The following SCAI variants were observed in gnomAD, a reference collection of about 807,000 sequenced individuals.
SCAI encodes protein SCAI.
A neutral mutation model predicts 92.2 loss-of-function variants in SCAI; 24 were observed. The observed-to-expected ratio is 0.26, with a 90% CI of 0.19 to 0.37. The LOEUF is 0.37. SCAI is among the 10% of genes least tolerant of loss of function. SCAI has a pLI of 1.00. For synonymous variants in SCAI, 261 were observed against 258.6 expected, an observed-to-expected ratio of 1.01 and a Z score of -0.09; for missense variants, 450 against 736.2, an observed-to-expected ratio of 0.61 and a Z score of 4.50.
chr9:124,967,763 A>G (rs1176271308), intron 17 of SCAI, among the ~76,000 whole-genome samples: 1 of 152,250 alleles, frequency 6.6e-6, no homozygotes, highest in Admixed American at 6.5e-5. Context: ...AGCACATATA[A>G]GAAATTGTCT....
intron 2 of SCAI, among the ~76,000 whole-genome samples, chr9:125,134,211 T>C (rs927957534): frequency 2.0e-5 from 3 of 152,180 alleles, no homozygotes; most frequent in Admixed American, 6.5e-5. Flanking sequence ...AGGGCTTAGA[T>C]AAATGACTGC....
chr9:125,081,984 G>T (rs564003499), intron 2 of SCAI, among the ~76,000 whole-genome samples: 34 of 152,368 alleles, frequency 2.2e-4, no homozygotes, highest in African/African-American at 7.2e-4. Context: ...GCCGGCTGCA[G>T]AAATTTGCAT....
Position 125,044,316 on chromosome 9 carries a change from C to G in SCAI, c.230+11560G>C, listed in dbSNP as rs753142126. Among the ~76,000 whole-genome samples the G allele has an allele frequency of 2.0e-4, 30 of 152,254 alleles. 1 individual carries two copies. Among genetic ancestry groups the G allele is most frequent in the South Asian group, 8.3e-4 (4 of 4,830 alleles). On this transcript the variant is annotated intron_variant, in intron 3 of 17. Coordinates refer to ENST00000336505, the MANE Select transcript of SCAI (RefSeq NM_001144877.3). The stretch of plus-strand genomic sequence containing the variant: ...ATGGACCAATCAGCACACACTTCCA[C>G]CATTCAGAGCACAAAATAACCCCAG...
At chr9:124,961,649 C>CAAA (rs34369784) in intron 17 of SCAI, among the ~76,000 whole-genome samples, 25 of 119,872 alleles carry the variant, frequency 2.1e-4, no homozygotes, top group African/African-American at 5.5e-4. Context: ...GACTCCATCT[C>CAAA]AAAAAAAAAA....
In SCAI at chr9:125,018,940, T is replaced by C. The variant is rs913416962; in HGVS notation, c.720A>G (p.Val240=). The C allele has an allele frequency of 6.2e-7, 1 of 1,612,930 alleles. No individual in the cohort carries two copies. The highest frequency in any genetic ancestry group is 8.5e-7 in the Non-Finnish European group (1 of 1,179,746). Residue 240 remains valine (V), a synonymous_variant, in exon 9 of 18, where the codon GTA becomes GTG. Transcript: ENST00000336505. ...TGGTATTATCATCATTTAATACCAT[T>C]ACAGGATCCGCCTAAAGAAAAAAGC... ...EVAAFIEADP[V]MVLNDDNTIV...
chr9:125,072,020 T>C (rs1050340189), intron 2 of SCAI, among the ~76,000 whole-genome samples: 1 of 142,958 alleles, frequency 7.0e-6, no homozygotes, highest in Non-Finnish European at 1.5e-5. Context: ...CAGGGGATAG[T>C]AGATAGTCTT....
chr9:125,000,842 C>T (rs1832343674), intron 12 of SCAI, among the ~76,000 whole-genome samples: 1 of 152,078 alleles, frequency 6.6e-6, no homozygotes, highest in Non-Finnish European at 1.5e-5. Context: ...AGTTCTGGTT[C>T]TGAAGTTAGC....
intron 13 of SCAI, among the ~76,000 whole-genome samples, chr9:124,998,169 T>C (rs1043067756): frequency 1.3e-5 from 2 of 151,916 alleles, no homozygotes; most frequent in African/African-American, 4.8e-5. Flanking sequence ...CAAAACCTTG[T>C]ATTAAAAAAT....
intron 17 of SCAI, chr9:124,968,890 C>A: frequency 4.5e-6 from 2 of 441,046 alleles, no homozygotes; most frequent in Non-Finnish European, 8.1e-6. Flanking sequence ...CTATGTAGTT[C>A]ATCTGTTTTC....
chr9:125,061,778 G>A (rs565780489), intron 2 of SCAI, among the ~76,000 whole-genome samples: 5 of 151,070 alleles, frequency 3.3e-5, no homozygotes, highest in South Asian at 2.1e-4. Flanking sequence ...GAAATGAAAC[G>A]AAGAAAAGAA....
At chr9:125,076,426 G>C (rs1004658534) in intron 2 of SCAI, among the ~76,000 whole-genome samples, 4 of 152,058 alleles carry the variant, frequency 2.6e-5, no homozygotes, top group Non-Finnish European at 2.9e-5. Flanking sequence ...TTGAACCCAG[G>C]GGGTGGAGGT....
intron 2 of SCAI, among the ~76,000 whole-genome samples, chr9:125,127,612 C>T (rs1343605782): frequency 6.6e-6 from 1 of 152,070 alleles, no homozygotes; most frequent in Non-Finnish European, 1.5e-5. Flanking sequence ...AGGTAAGATT[C>T]ATATGTGCTA....
chr9:125,038,041 G>A (rs1833237137), intron 3 of SCAI, among the ~76,000 whole-genome samples: 1 of 151,976 alleles, frequency 6.6e-6, no homozygotes, highest in Non-Finnish European at 1.5e-5. Flanking sequence ...CAGATCACTT[G>A]AGCCCGGAGT....
At chr9:125,039,280 G>A (rs375801496) in intron 3 of SCAI, among the ~76,000 whole-genome samples, 5 of 151,936 alleles carry the variant, frequency 3.3e-5, no homozygotes, top group African/African-American at 9.7e-5. Context: ...CCAGCCACTC[G>A]GGAGGCTGAG....
intron 6 of SCAI, among the ~76,000 whole-genome samples, chr9:125,024,278 T>C (rs900125994): frequency 3.7e-5 from 5 of 133,352 alleles, no homozygotes; most frequent in Middle Eastern, 3.7e-3. Context: ...TTTTATGAAG[T>C]TTTTTTTTTT....
At chr9:124,974,546 T>C (rs1369252186) in intron 15 of SCAI, among the ~76,000 whole-genome samples, 1 of 152,176 alleles carries the variant, frequency 6.6e-6, no homozygotes, top group African/African-American at 2.4e-5. Flanking sequence ...TCAGCTAGTT[T>C]TGCACCCACA....
chr9:125,016,355 T>G (rs1473239301), intron 9 of SCAI, among the ~76,000 whole-genome samples: 3 of 148,258 alleles, frequency 2.0e-5, no homozygotes, highest in Non-Finnish European at 4.5e-5. Context: ...ACCACTGCAC[T>G]CCAGCCTAGG....
chr9:125,035,690 A>G (rs567312845), intron 3 of SCAI, among the ~76,000 whole-genome samples: 1 of 152,312 alleles, frequency 6.6e-6, no homozygotes, highest in South Asian at 2.1e-4. Context: ...AAAACACAAA[A>G]AAGTTAGATA....
chr9:125,076,492 G>C (rs1834092955), intron 2 of SCAI, among the ~76,000 whole-genome samples: 1 of 151,832 alleles, frequency 6.6e-6, no homozygotes, highest in Admixed American at 6.6e-5. Context: ...GAGGGAGTGA[G>C]AAGCCATCTC....
Sources: gnomAD v4.1 joint callset for allele counts (sites outside exome capture counted in the v4.1 genomes callset) on GRCh38, gnomAD v4.1.1 for gene constraint, MANE v1.5 for transcripts, NCBI Gene and HGNC (gene_info 2026-07-23, HGNC 2026-07-21) for gene names.